Variants in STXBP5 observed in about 807,000 individuals in gnomAD.
The protein encoded by STXBP5 is syntaxin binding protein 5.
A neutral mutation model predicts 152.4 loss-of-function variants in STXBP5; 50 were observed. The ratio of observed to expected loss-of-function variants is 0.33; its 90% CI spans 0.26 to 0.42. The LOEUF is 0.42. Ranked by LOEUF, STXBP5 falls within the 10% of genes least tolerant of loss-of-function variation. The pLI, the probability that STXBP5 is intolerant of heterozygous loss-of-function variation, is 1.00. For missense variants in STXBP5, 1,167 were observed against 1,388.6 expected (o/e 0.84, Z 2.54); for synonymous variants, 492 against 494.7 (o/e 0.99, Z 0.07).
chr6:147,260,666 T>C lies in STXBP5; in HGVS notation c.483T>C (p.Thr161=). The stretch of plus-strand genomic sequence containing the variant: ...AGAGTAAGTGGCTCTATGTGGGCAC[T>C]GAACGAGGTAATATACATATTGTCA... ...PFQSKWLYVG[T]ERGNIHIVNV... The change falls in exon 5 of 28, where the codon ACT becomes ACC. Residue 161 remains threonine, a synonymous_variant. Transcript: ENST00000321680. 1.2e-6 allele frequency: 2 copies of C among 1,613,770 alleles called. No individual in the cohort carries two copies. Among genetic ancestry groups the C allele is most frequent in the Non-Finnish European group, 1.7e-6 (2 of 1,179,748 alleles).
intron 9 of STXBP5, among the ~76,000 whole-genome samples, chr6:147,296,081 C>A (rs1331075120): frequency 6.6e-6 from 1 of 152,126 alleles, no homozygotes; most frequent in Non-Finnish European, 1.5e-5. Context: ...AACAGATGGT[C>A]CTGTACAATG....
chr6:147,375,485 T>C (rs75435809), intron 26 of STXBP5, among the ~76,000 whole-genome samples: 5,171 of 151,794 alleles, frequency 0.034, 315 homozygotes, highest in East Asian at 0.29. Context: ...GGAGAAGTCA[T>C]CTAAAATGCA....
chr6:147,263,125 G>GAT (rs1166115028), intron 6 of STXBP5, among the ~76,000 whole-genome samples: 1 of 151,844 alleles, frequency 6.6e-6, no homozygotes, highest in African/African-American at 2.4e-5. Flanking sequence ...AGGTTGAGCT[G>GAT]ATATATTGTT....
In STXBP5 at chr6:147,310,233, C is replaced by G; in HGVS notation, c.1067C>G (p.Pro356Arg). 6.4e-7 allele frequency: 1 copy of G among 1,559,752 alleles called. No individual in the cohort carries two copies. Among genetic ancestry groups the G allele is most frequent in the Non-Finnish European group, 8.6e-7 (1 of 1,160,742 alleles). ...DFLTLCETPYPNDFQEPYAVV... is the reference protein window; with the variant it reads ...DFLTLCETPYRNDFQEPYAVV... ...CTAACGCTGTGTGAAACACCATACC[C>G]AAATGGTAAGCTTTGCAACTTTAAA... Residue 356 changes from proline (P) to arginine (R), a missense_variant, in exon 10 of 28, where the codon CCA (proline) becomes CGA (arginine). Transcript: ENST00000321680.
chr6:147,305,202 C>T (rs1782026442), intron 9 of STXBP5, among the ~76,000 whole-genome samples: 1 of 152,176 alleles, frequency 6.6e-6, no homozygotes, highest in Non-Finnish European at 1.5e-5. Flanking sequence ...GCAGCATTTA[C>T]ATACGTATTC....
intron 16 of STXBP5, among the ~76,000 whole-genome samples, chr6:147,321,745 A>C (rs1782947512): frequency 6.6e-6 from 1 of 152,240 alleles, no homozygotes; most frequent in Non-Finnish European, 1.5e-5. Context: ...CGTTTGTACA[A>C]ATTATGGAAC....
intron 18 of STXBP5, 118 bp downstream of exon 18, chr6:147,327,394 T>C: frequency 8.2e-7 from 1 of 1,222,872 alleles, no homozygotes; most frequent in Non-Finnish European, 1.1e-6. Flanking sequence ...TCTGTATATA[T>C]AAACTGCCAA....
At chr6:147,272,244 C>T (rs529461158) in intron 7 of STXBP5, among the ~76,000 whole-genome samples, 1 of 152,104 alleles carries the variant, frequency 6.6e-6, no homozygotes, top group Non-Finnish European at 1.5e-5. Flanking sequence ...CTTTGCAACT[C>T]ACTTCATGAG....
intron 26 of STXBP5, among the ~76,000 whole-genome samples, chr6:147,374,945 C>A (rs1043470178): frequency 6.6e-6 from 1 of 152,188 alleles, no homozygotes; most frequent in African/African-American, 2.4e-5. Context: ...CTTCAAATAT[C>A]TGGGTGGCCT....
At chr6:147,284,220 T>C (rs2128345717) in intron 8 of STXBP5, among the ~76,000 whole-genome samples, 1 of 152,264 alleles carries the variant, frequency 6.6e-6, no homozygotes, top group African/African-American at 2.4e-5. Context: ...ACGGTAGACT[T>C]ACGGCTACCC....
intron 8 of STXBP5, among the ~76,000 whole-genome samples, chr6:147,282,818 T>C (rs1024707969): frequency 1.1e-4 from 16 of 152,168 alleles, no homozygotes; most frequent in African/African-American, 3.9e-4. Context: ...GGTGATGTGT[T>C]GCAGAGTAAG....
chr6:147,322,905 A>G (rs1241117616), intron 16 of STXBP5, among the ~76,000 whole-genome samples: 1 of 152,160 alleles, frequency 6.6e-6, no homozygotes, highest in African/African-American at 2.4e-5. Flanking sequence ...CCTTTCTAAA[A>G]TCCTAATGAC....
At chr6:147,237,578 C>A (rs1318269506) in intron 3 of STXBP5, among the ~76,000 whole-genome samples, 1 of 152,202 alleles carries the variant, frequency 6.6e-6, no homozygotes, top group Non-Finnish European at 1.5e-5. Context: ...CTTTGAGTTT[C>A]TCTACTTCAA....
intron 9 of STXBP5, among the ~76,000 whole-genome samples, chr6:147,297,840 A>G (rs776971140): frequency 5.9e-5 from 9 of 152,240 alleles, no homozygotes; most frequent in Non-Finnish European, 1.3e-4. Context: ...GATAACCACC[A>G]AGAAATAAAT....
chr6:147,311,927 A>G (rs1486399229), intron 11 of STXBP5, among the ~76,000 whole-genome samples: 1 of 152,122 alleles, frequency 6.6e-6, no homozygotes, highest in Non-Finnish European at 1.5e-5. Flanking sequence ...TTTTACACAC[A>G]GTTCCAATCT....
intron 4 of STXBP5, among the ~76,000 whole-genome samples, chr6:147,240,720 A>C (rs1778500857): frequency 6.6e-6 from 1 of 152,196 alleles, no homozygotes; most frequent in Non-Finnish European, 1.5e-5. Flanking sequence ...AGAGGAAGGA[A>C]ACCTGTGAGC....
chr6:147,314,218 T>G (rs771240339), intron 12 of STXBP5, 46 bp from the exon 13 acceptor site: 5 of 1,478,198 alleles, frequency 3.4e-6, no homozygotes, highest in Non-Finnish European at 4.7e-6. Flanking sequence ...CACGGAGGTA[T>G]GTAGTATGCT....
At chr6:147,310,946 A>G (rs1397264658) in intron 10 of STXBP5, among the ~76,000 whole-genome samples, 1 of 152,154 alleles carries the variant, frequency 6.6e-6, no homozygotes, top group African/African-American at 2.4e-5. Context: ...ATTATAGACA[A>G]ATTGACACAT....
intron 4 of STXBP5, among the ~76,000 whole-genome samples, chr6:147,257,306 T>C (rs760594221): frequency 2.0e-5 from 3 of 151,792 alleles, no homozygotes; most frequent in Non-Finnish European, 4.4e-5. Flanking sequence ...GTTCAGCTTA[T>C]CCATTTTAAG....
Sources: allele counts gnomAD v4.1 joint callset (sites outside exome capture counted in the v4.1 genomes callset), GRCh38; gene constraint gnomAD v4.1.1; transcripts MANE v1.5; gene names NCBI Gene and HGNC (gene_info 2026-07-23, HGNC 2026-07-21).